The following ITPR1 variants were observed in gnomAD, a reference collection of about 807,000 sequenced individuals.
The protein encoded by ITPR1 is inositol 1,4,5-trisphosphate receptor type 1.
Under a neutral mutation model 318.4 loss-of-function variants are expected in ITPR1, and 96 were observed. The ratio of observed to expected loss-of-function variants is 0.30; its 90% CI spans 0.26 to 0.36. The LOEUF is 0.36. Ranked by LOEUF, ITPR1 falls within the 10% of genes least tolerant of loss-of-function variation. The pLI is 1.00. For missense variants in ITPR1, 2,440 were observed against 3,460.2 expected, an observed-to-expected ratio of 0.71 and a Z score of 7.40; for synonymous variants, 1,312 against 1,289.9, an observed-to-expected ratio of 1.02 and a Z score of -0.37.
intron 39 of ITPR1, among the ~76,000 whole-genome samples, chr3:4,715,739 G>C (rs1441763574): frequency 1.3e-5 from 2 of 152,196 alleles, no homozygotes; most frequent in Non-Finnish European, 2.9e-5. Flanking sequence ...TATAATCCCA[G>C]CTATTTGGGA....
rs976571470 is a variant in ITPR1, at chr3:4,676,610, C to G, written c.2780-4C>G. On this transcript the variant is annotated splice_region_variant and splice_polypyrimidine_tract_variant and intron_variant, in intron 23 of 61. Transcript: ENST00000649015. ...TGACCGTGGTCTCTCCTGGCCTTTC[C>G]TAGGCAGTAACGTGATGAGATCTAT... 1.2e-6 allele frequency: 2 copies of G among 1,612,976 alleles called. No individual in the cohort carries two copies. The highest frequency in any genetic ancestry group is 3.3e-5 in the Admixed American group (2 of 59,964).
At chr3:4,582,234 C>T (rs551781918) in intron 4 of ITPR1, among the ~76,000 whole-genome samples, 15 of 152,204 alleles carry the variant, frequency 9.9e-5, no homozygotes, top group African/African-American at 3.4e-4. Flanking sequence ...TTTTCCTCTC[C>T]CCTTAGCATA....
intron 44 of ITPR1, among the ~76,000 whole-genome samples, chr3:4,753,394 A>T (rs2044700026): frequency 6.6e-6 from 1 of 152,036 alleles, no homozygotes; most frequent in Admixed American, 6.5e-5. Flanking sequence ...CTTTACCCAG[A>T]TGAGTGCTGT....
intron 4 of ITPR1, among the ~76,000 whole-genome samples, chr3:4,574,984 A>G (rs1034477873): frequency 6.6e-6 from 1 of 152,250 alleles, no homozygotes; most frequent in African/African-American, 2.4e-5. Flanking sequence ...CTAGAGTGCA[A>G]GTGATGCTTG....
At chr3:4,550,541 G>C (rs1001368129) in intron 4 of ITPR1, among the ~76,000 whole-genome samples, 1 of 152,126 alleles carries the variant, frequency 6.6e-6, no homozygotes, top group Non-Finnish European at 1.5e-5. Flanking sequence ...AATTCCCTGA[G>C]AGCATAATTA....
At chr3:4,711,936 AC>A in intron 39 of ITPR1, 68 bp downstream of exon 39, 1 of 702,744 alleles carries the variant, frequency 1.4e-6, no homozygotes, top group Non-Finnish European at 2.3e-6. Flanking sequence ...ACCTTTCAAA[AC>A]CCACCTTAGC....
At chr3:4,782,329 G>A (rs561362134) in intron 49 of ITPR1, 4 of 247,834 alleles carry the variant, frequency 1.6e-5, no homozygotes, top group African/African-American at 4.4e-5. Context: ...GTTTCAAGGT[G>A]CTTGAAAGCC....
At chr3:4,544,575 A>C (rs1056513170) in intron 4 of ITPR1, among the ~76,000 whole-genome samples, 1 of 152,196 alleles carries the variant, frequency 6.6e-6, no homozygotes, top group African/African-American at 2.4e-5. Flanking sequence ...GTGATGCCTT[A>C]GTTTGGCTAG....
Position 4,688,505 on chromosome 3 carries a change from C to G in ITPR1, c.3713C>G (p.Thr1238Ser). Residue 1238 changes from threonine to serine, a missense_variant, in exon 31 of 62, where the codon ACC (threonine) becomes AGC (serine). Thr to Ser is a moderately conservative substitution (Grantham distance 58). Around this residue, in one of 23 missense-constraint regions of ITPR1, gnomAD observed 222 missense variants for 318.8 expected, o/e 0.70. Coordinates refer to ENST00000649015, the MANE Select transcript of ITPR1 (RefSeq NM_001378452.1). ...TCTCCTCCCACACAGGCCGAAGATA[C>G]CAAGATGCAAGAGATAATGAGGTTG... ...LQIPYEKAEDTKMQEIMRLAH... is the reference protein window; with the variant it reads ...LQIPYEKAEDSKMQEIMRLAH... The G allele has an allele frequency of 6.2e-7, 1 of 1,613,938 alleles. No homozygotes were observed. The highest frequency in any genetic ancestry group is 1.1e-5 in the South Asian group (1 of 91,072).
At chr3:4,757,526 C>G (rs1353252399) in intron 44 of ITPR1, among the ~76,000 whole-genome samples, 3 of 152,138 alleles carry the variant, frequency 2.0e-5, no homozygotes, top group Non-Finnish European at 4.4e-5. Flanking sequence ...AGGACAGACT[C>G]TTGCTCAGGG....
rs1027481449 is a variant in ITPR1 at position 4,645,410 on chromosome 3, A to C, written c.648A>C (p.Thr216=). The C allele has an allele frequency of 1.5e-5, 25 of 1,613,252 alleles. No individual in the cohort carries two copies. Among genetic ancestry groups the C allele is most frequent in the Non-Finnish European group, 2.0e-5 (24 of 1,179,414 alleles). ...AGGTCAATTCCGTCAACTGCAATAC[A>C]AGCTGGAAAATAGTCCTTTTCATGA... ...CNEVNSVNCN[T]SWKIVLFMKW... is the part of the protein sequence containing the mutation. Residue 216 remains threonine (T), a synonymous_variant, in exon 9 of 62, where the codon ACA becomes ACC. Coordinates refer to ENST00000649015, the MANE Select transcript of ITPR1 (RefSeq NM_001378452.1).
chr3:4,615,339 G>C (rs1439538802), intron 4 of ITPR1, among the ~76,000 whole-genome samples: 1 of 151,826 alleles, frequency 6.6e-6, no homozygotes. Context: ...CTTCCACAAT[G>C]GGGAGAGGAC....
intron 60 of ITPR1, among the ~76,000 whole-genome samples, chr3:4,821,703 A>G (rs1873020): frequency 0.36 from 54,819 of 152,088 alleles, 10,601 homozygotes; most frequent in Non-Finnish European, 0.42. Context: ...TGTCTAGATC[A>G]GATACTTCAC....
chr3:4,523,688 C>A (rs961857982), intron 4 of ITPR1, among the ~76,000 whole-genome samples: 1 of 152,172 alleles, frequency 6.6e-6, no homozygotes, highest in African/African-American at 2.4e-5. Flanking sequence ...TCTTTCTGTG[C>A]CTGGCTTATT....
At chr3:4,567,774 T>C (rs1030704369) in intron 4 of ITPR1, among the ~76,000 whole-genome samples, 3 of 152,084 alleles carry the variant, frequency 2.0e-5, no homozygotes, top group Non-Finnish European at 4.4e-5. Context: ...GCTAATTTTT[T>C]TGTACTTTTA....
intron 2 of ITPR1, among the ~76,000 whole-genome samples, chr3:4,508,965 G>A (rs1296187788): frequency 6.6e-6 from 1 of 152,206 alleles, no homozygotes; most frequent in Non-Finnish European, 1.5e-5. Context: ...TATTGACCAG[G>A]TAAGCAACAT....
At chr3:4,520,776 G>A (rs754133039) in intron 3 of ITPR1, among the ~76,000 whole-genome samples, 19 of 152,130 alleles carry the variant, frequency 1.2e-4, no homozygotes, top group Non-Finnish European at 2.2e-4. Flanking sequence ...ATCTACCATG[G>A]ACATGGTTAT....
rs547286890 is a variant in ITPR1, at chr3:4,833,836, A to T, written c.8029-2938A>T. ...AATCAGTCACTGGTTGTTGGGTCTTACTTGGACACTACTCTCTCTACCGCT... is the reference window on the plus strand; with the variant it reads ...AATCAGTCACTGGTTGTTGGGTCTTTCTTGGACACTACTCTCTCTACCGCT... On this transcript the variant is annotated intron_variant, in intron 60 of 61. Transcript: ENST00000649015. Among the ~76,000 whole-genome samples, 6 of 152,320 alleles carry T rather than the reference A, an allele frequency of 3.9e-5. No individual in the cohort carries two copies. The South Asian group carries it at 1.2e-3, about 32-fold the overall frequency.
chr3:4,611,370 G>T (rs2092107590), intron 4 of ITPR1, among the ~76,000 whole-genome samples: 1 of 151,714 alleles, frequency 6.6e-6, no homozygotes, highest in Non-Finnish European at 1.5e-5. Flanking sequence ...GACCAGCTTG[G>T]CCAACATGGT....
Sources: allele counts gnomAD v4.1 joint callset (sites outside exome capture counted in the v4.1 genomes callset), GRCh38; gene constraint gnomAD v4.1.1; regional missense constraint gnomAD v4.1.1; transcripts MANE v1.5; gene names NCBI Gene and HGNC (gene_info 2026-07-23, HGNC 2026-07-21).